Variants in TMEM71 observed in about 807,000 individuals in gnomAD.
TMEM71 encodes the protein transmembrane protein 71.
A neutral mutation model predicts 38.0 loss-of-function variants in TMEM71; 44 were observed. The ratio of observed to expected loss-of-function variants is 1.16; its 90% CI spans 0.91 to 1.49. TMEM71 has a LOEUF of 1.49. TMEM71 is among the 40% of genes most tolerant of loss of function. TMEM71 has a pLI of 0.00. For synonymous variants in TMEM71, 133 were observed against 122.5 expected, an observed-to-expected ratio of 1.09 and a Z score of -0.56; for missense variants, 367 against 348.6, an observed-to-expected ratio of 1.05 and a Z score of -0.42.
At chr8:132,727,088 C>A (rs567413426) in intron 6 of TMEM71, among the ~76,000 whole-genome samples, 3 of 151,982 alleles carry the variant, frequency 2.0e-5, no homozygotes, top group Admixed American at 1.3e-4. Context: ...AACTCCTGAC[C>A]TCAGGTGTTC....
At chr8:132,744,960 G>T (rs1398499980) in intron 5 of TMEM71, among the ~76,000 whole-genome samples, 1 of 152,126 alleles carries the variant, frequency 6.6e-6, no homozygotes, top group Admixed American at 6.5e-5. Flanking sequence ...ATGGAGCTGG[G>T]ATAGCTATAT....
the TMEM71 span, among the ~76,000 whole-genome samples, chr8:132,767,278 C>G: frequency 6.6e-6 from 1 of 152,122 alleles, no homozygotes; most frequent in Non-Finnish European, 1.5e-5. Context: ...AACTTACTTT[C>G]TGCTTGTAGA....
At chr8:132,728,713 CA>C (rs1827290642) in intron 5 of TMEM71, among the ~76,000 whole-genome samples, 1 of 152,200 alleles carries the variant, frequency 6.6e-6, no homozygotes, top group Non-Finnish European at 1.5e-5. Context: ...AACTTTACAG[CA>C]GTCAACTCTT....
At chr8:132,767,571 C>T in the TMEM71 span, among the ~76,000 whole-genome samples, 46,202 of 151,218 alleles carry the variant, frequency 0.31, 7,601 homozygotes, top group South Asian at 0.46. Flanking sequence ...GCTTCCCGGG[C>T]TCAAGCAATT....
intron 5 of TMEM71, among the ~76,000 whole-genome samples, chr8:132,732,683 T>C (rs770223510): frequency 6.6e-5 from 10 of 152,178 alleles, no homozygotes; most frequent in Admixed American, 1.3e-4. Flanking sequence ...TGAGTGACTA[T>C]GGGGCTCCAA....
intron 3 of TMEM71, among the ~76,000 whole-genome samples, chr8:132,753,751 T>A (rs910197421): frequency 6.6e-6 from 1 of 152,168 alleles, no homozygotes; most frequent in Non-Finnish European, 1.5e-5. Context: ...ACTGTTTCCT[T>A]ATCTGTAAAA....
intron 5 of TMEM71, among the ~76,000 whole-genome samples, chr8:132,744,942 T>C (rs987315134): frequency 5.3e-5 from 8 of 152,130 alleles, no homozygotes; most frequent in Non-Finnish European, 5.9e-5. Context: ...GGACTCTCTA[T>C]CCAATAAATG....
intron 5 of TMEM71, among the ~76,000 whole-genome samples, chr8:132,729,885 T>C (rs1586791273): frequency 6.6e-6 from 1 of 152,158 alleles, no homozygotes; most frequent in South Asian, 2.1e-4. Flanking sequence ...AAAGCTTATC[T>C]GTTTTGGCCT....
chr8:132,710,946 GA>G lies in TMEM71; in HGVS notation c.*20del. On this transcript the variant is annotated 3_prime_UTR_variant, in exon 10 of 10. Transcript: ENST00000677595. Reference sequence around the variant, plus strand: ...GATATTCAGATGGAGGACATTCATCGAAGGCATTCCTAAATGGTTGTCAAAT... The same window carrying G: ...GATATTCAGATGGAGGACATTCATCGAGGCATTCCTAAATGGTTGTCAAAT... 1 of 1,607,480 alleles carries G rather than the reference GA, an allele frequency of 6.2e-7. No homozygotes were observed. The highest frequency in any genetic ancestry group is 8.5e-7 in the Non-Finnish European group (1 of 1,175,810).
At chr8:132,706,664 C>T (rs986983429), downstream of TMEM71, among the ~76,000 whole-genome samples, 7 of 152,032 alleles carry the variant, frequency 4.6e-5, no homozygotes, top group Admixed American at 1.3e-4. Context: ...AAGAAATAAA[C>T]TTTTTGTTTT....
intron 6 of TMEM71, among the ~76,000 whole-genome samples, chr8:132,725,071 C>T (rs1827067805): frequency 6.7e-6 from 1 of 149,298 alleles, no homozygotes; most frequent in Non-Finnish European, 1.5e-5. Context: ...CAGGGTCTCA[C>T]TCTATTTCCC....
At position 132,744,412 on chromosome 8, in the gene TMEM71, C is replaced by A. The variant is rs745610832; in HGVS notation, c.487+2530G>T. 2.4e-4 allele frequency among the ~76,000 whole-genome samples: 36 copies of A among 152,190 alleles called. No homozygotes were observed. In the South Asian group the frequency reaches 2.7e-3, roughly 11 times the overall value. On this transcript the variant is annotated intron_variant, in intron 5 of 9. Coordinates refer to ENST00000677595, the MANE Select transcript of TMEM71 (RefSeq NM_001382403.1). ...ACAACATTCAAGCTGAGAGCCAAGT[C>A]AAGAATGCAATCCCATTTACAATAG...
intron 5 of TMEM71, among the ~76,000 whole-genome samples, chr8:132,735,293 A>T (rs552397664): frequency 1.1e-4 from 17 of 152,346 alleles, no homozygotes; most frequent in Non-Finnish European, 1.8e-4. Flanking sequence ...AGGCAAAAAC[A>T]TCCTCTTGCC....
chr8:132,756,992 T>A (rs1193782494), intron 3 of TMEM71, among the ~76,000 whole-genome samples: 5 of 151,766 alleles, frequency 3.3e-5, no homozygotes, highest in Admixed American at 3.3e-4. Flanking sequence ...ATTCACGTCA[T>A]TCTCCCGCCT....
chr8:132,775,384 CGTCAGGGCTGGCCGGCGGCGG>C, the TMEM71 span: 1 of 373,736 alleles, frequency 2.7e-6, no homozygotes, highest in Admixed American at 4.6e-5. Flanking sequence ...CCCGGCGTCG[CGTCAGGGCTGGCCGGCGGCGG>C]AGGCGGCGGC....
the TMEM71 span, among the ~76,000 whole-genome samples, chr8:132,766,795 AT>A: frequency 0.02 from 1,567 of 77,578 alleles, 70 homozygotes; most frequent in African/African-American, 0.043. Flanking sequence ...AAAAAAAAAA[AT>A]AAAAATAAAA....
chr8:132,711,783 G>A (rs1826250472), intron 9 of TMEM71, among the ~76,000 whole-genome samples: 1 of 152,100 alleles, frequency 6.6e-6, no homozygotes, highest in Non-Finnish European at 1.5e-5. Flanking sequence ...GCCGTGTGAG[G>A]TGCTAAAGAG....
chr8:132,719,411 G>C (rs1006610480), intron 7 of TMEM71, among the ~76,000 whole-genome samples: 2 of 152,168 alleles, frequency 1.3e-5, no homozygotes, highest in African/African-American at 2.4e-5. Flanking sequence ...ATTGTGTAAA[G>C]TTACCTTTAG....
At chr8:132,726,179 G>A (rs1034584930) in intron 6 of TMEM71, among the ~76,000 whole-genome samples, 1 of 152,128 alleles carries the variant, frequency 6.6e-6, no homozygotes, top group Non-Finnish European at 1.5e-5. Flanking sequence ...CTCCCTGGAG[G>A]AGGTGGCTAT....
Sources: gnomAD v4.1 joint callset for allele counts (sites outside exome capture counted in the v4.1 genomes callset) on GRCh38, gnomAD v4.1.1 for gene constraint, MANE v1.5 for transcripts, NCBI Gene and HGNC (gene_info 2026-07-23, HGNC 2026-07-21) for gene names.